Variants in NUP155 observed in about 807,000 individuals in gnomAD.
NUP155 encodes nuclear pore complex protein Nup155.
A neutral mutation model predicts 180.4 loss-of-function variants in NUP155; 71 were observed. The ratio of observed to expected loss-of-function variants is 0.39; its 90% CI spans 0.33 to 0.48. The LOEUF (loss-of-function observed/expected upper bound fraction) is 0.48, where lower values mean the gene tolerates loss of function less well. NUP155 is among the 20% of genes least tolerant of loss of function. The pLI, the probability that NUP155 is intolerant of heterozygous loss-of-function variation, is 0.91. For missense variants in NUP155, 1,553 were observed against 1,648.9 expected, an observed-to-expected ratio of 0.94 and a Z score of 1.01; for synonymous variants, 582 against 559.5, an observed-to-expected ratio of 1.04 and a Z score of -0.57.
chr5:37,317,805 A>T (rs535138421), intron 21 of NUP155, among the ~76,000 whole-genome samples, 183 bp downstream of exon 21: 1 of 151,210 alleles, frequency 6.6e-6, no homozygotes, highest in East Asian at 2.0e-4. Context: ...CTCCCAACTC[A>T]GCCTTCCAAA....
chr5:37,292,843 A>C (rs767579399), intron 34 of NUP155, 36 bp downstream of exon 34: 35 of 1,366,268 alleles, frequency 2.6e-5, no homozygotes, highest in Non-Finnish European at 3.7e-5. Flanking sequence ...AAGCATTTAA[A>C]AGCTTTTGCT....
At position 37,370,988 on chromosome 5, in the gene NUP155, G is replaced by A. The variant is rs1210464867; in HGVS notation, c.-11C>T. 19 of 1,613,040 alleles carry A rather than the reference G, an allele frequency of 1.2e-5. No individual in the cohort carries two copies. The highest frequency in any genetic ancestry group is 1.5e-5 in the Non-Finnish European group (18 of 1,179,690). On this transcript the variant is annotated 5_prime_UTR_variant, in exon 1 of 35. It adds an upstream start codon to the 5' untranslated region. Coordinates refer to ENST00000231498, the MANE Select transcript of NUP155 (RefSeq NM_153485.3). ...CAAAGAAGACGGCATCTCGGAAATCGTAGACACCAGGGTCCAGAAAAAGTC... is the reference window on the plus strand; with the variant it reads ...CAAAGAAGACGGCATCTCGGAAATCATAGACACCAGGGTCCAGAAAAAGTC...
rs1249713343 is a variant in NUP155 at position 37,305,218 on chromosome 5, A to G, written c.2904-8T>C. ...CATTTGTAACTGTTTAATCTGAAAGAAAATGGAAAAGGAACAATTACATTA... is the reference window on the plus strand; with the variant it reads ...CATTTGTAACTGTTTAATCTGAAAGGAAATGGAAAAGGAACAATTACATTA... On this transcript the variant is annotated splice_polypyrimidine_tract_variant and splice_region_variant and intron_variant, in intron 25 of 34. Coordinates refer to ENST00000231498, the MANE Select transcript of NUP155 (RefSeq NM_153485.3). 4.4e-6 allele frequency: 7 copies of G among 1,607,484 alleles called. No homozygotes were observed. Among genetic ancestry groups the G allele is most frequent in the Non-Finnish European group, 6.0e-6 (7 of 1,174,988 alleles).
intron 32 of NUP155, among the ~76,000 whole-genome samples, chr5:37,296,963 G>A (rs1373299549): frequency 6.6e-6 from 1 of 152,060 alleles, no homozygotes; most frequent in Admixed American, 6.6e-5. Context: ...GATCACCTGA[G>A]GTCAGGAGTT....
intron 24 of NUP155, among the ~76,000 whole-genome samples, chr5:37,308,793 T>C (rs574974231): frequency 2.0e-5 from 3 of 149,094 alleles, no homozygotes; most frequent in African/African-American, 7.6e-5. Context: ...GGCAGGAGAA[T>C]TGCTGGAACC....
chr5:37,342,457 A>T (rs1223824662), intron 10 of NUP155, 92 bp downstream of exon 10: 2 of 792,876 alleles, frequency 2.5e-6, no homozygotes, highest in African/African-American at 1.7e-5. Flanking sequence ...CAGATATAGA[A>T]GGAAAAATAT....
Position 37,318,027 on chromosome 5 carries a change from G to A in NUP155, c.2266C>T (p.Pro756Ser), listed in dbSNP as rs1312385374. Residue 756 changes from proline to serine, a missense_variant, in exon 21 of 35, where the codon CCC becomes TCC. By Grantham distance (74) the Pro-to-Ser change is moderately conservative. Coordinates refer to ENST00000231498, the MANE Select transcript of NUP155 (RefSeq NM_153485.3). ...IGFMRPENGNPQQMQQELQRK... is the reference protein window; with the variant it reads ...IGFMRPENGNSQQMQQELQRK... Reference sequence around the variant, plus strand: ...TGCAGTTCCTGTTGCATTTGCTGGGGATTTCCGTTTTCAGGACGCATGAAT... The same window carrying A: ...TGCAGTTCCTGTTGCATTTGCTGGGAATTTCCGTTTTCAGGACGCATGAAT... 1.2e-6 allele frequency: 2 copies of A among 1,612,656 alleles called. No individual in the cohort carries two copies. The highest frequency in any genetic ancestry group is 1.7e-6 in the Non-Finnish European group (2 of 1,178,724).
chr5:37,301,149 A>T, intron 30 of NUP155: 2 of 345,076 alleles, frequency 5.8e-6, no homozygotes, highest in Non-Finnish European at 1.1e-5. Context: ...TGTAAAGATG[A>T]GGTTTTGCCA....
At position 37,288,818 on chromosome 5, in the gene NUP155, C is replaced by A. The variant is rs1037047199; in HGVS notation, c.*3082G>T. Reference sequence around the variant, plus strand: ...GTGGCTCATGCCTGTAATCCCAGCTCTTTGGGAGGCCAAGGGGGGTGGATC... The same window carrying A: ...GTGGCTCATGCCTGTAATCCCAGCTATTTGGGAGGCCAAGGGGGGTGGATC... On this transcript the variant is annotated 3_prime_UTR_variant, in exon 35 of 35. Coordinates refer to ENST00000231498, the MANE Select transcript of NUP155 (RefSeq NM_153485.3). 8 of 136,516 alleles carry A rather than the reference C, an allele frequency of 5.9e-5. No homozygotes were observed. The highest frequency in any genetic ancestry group is 2.1e-4 in the African/African-American group (8 of 38,042). The allele number at this position is 136,516 out of a possible 1,614,324, so 8.5% of individuals were successfully genotyped here. A position where few individuals can be genotyped will look rare whatever the true frequency, so the allele number is the denominator to read the frequency against.
intron 3 of NUP155, among the ~76,000 whole-genome samples, chr5:37,360,693 G>A (rs1747145224): frequency 6.6e-6 from 1 of 151,158 alleles, no homozygotes; most frequent in Non-Finnish European, 1.5e-5. Context: ...GGCTGAGGCA[G>A]GAGAATCACT....
intron 27 of NUP155, 81 bp downstream of exon 27, chr5:37,304,658 T>C: frequency 9.8e-7 from 1 of 1,018,848 alleles, no homozygotes; most frequent in Non-Finnish European, 1.5e-6. Flanking sequence ...AACTGAATTT[T>C]TTACATCTAT....
intron 30 of NUP155, among the ~76,000 whole-genome samples, chr5:37,300,373 T>C (rs1361241910): frequency 6.6e-6 from 1 of 152,196 alleles, no homozygotes; most frequent in Non-Finnish European, 1.5e-5. Flanking sequence ...TAGGTCTTAT[T>C]CATTTTGTTT....
chr5:37,353,684 C>G (rs1334909220), intron 4 of NUP155, among the ~76,000 whole-genome samples: 1 of 152,146 alleles, frequency 6.6e-6, no homozygotes, highest in Non-Finnish European at 1.5e-5. Flanking sequence ...GAGCCAGTCA[C>G]AAAATGACCA....
intron 33 of NUP155, 81 bp downstream of exon 33, chr5:37,294,248 C>G (rs1465091938): frequency 8.3e-6 from 8 of 966,948 alleles, no homozygotes; most frequent in Non-Finnish European, 1.3e-5. Context: ...TACAAAAATG[C>G]AATCAAAATA....
intron 10 of NUP155, 99 bp downstream of exon 10, chr5:37,342,450 A>G: frequency 2.7e-6 from 2 of 742,034 alleles, no homozygotes; most frequent in Non-Finnish European, 4.7e-6. Context: ...TTTACGGCAG[A>G]TATAGAAGGA....
rs1185534544 is a variant in NUP155, at chr5:37,291,954, T to G, written c.4122A>C (p.Gln1374His). ...LQSMSSSVAV[Q>H]AITGNFKSLQ... ...GAGATTTAAAATTCCCAGTGATGGC[T>G]TGTACTGCTACTGACGAGCTCATAG... The change falls in exon 35 of 35, where the codon CAA becomes CAC. Residue 1374 changes from glutamine (Q) to histidine (H), a missense_variant. Physicochemically the swap from Gln to His is conservative, Grantham distance 24. Coordinates refer to ENST00000231498, the MANE Select transcript of NUP155 (RefSeq NM_153485.3). 2 of 1,613,966 alleles carry G rather than the reference T, an allele frequency of 1.2e-6. No individual in the cohort carries two copies. The highest frequency in any genetic ancestry group is 2.7e-5 in the African/African-American group (2 of 74,930).
intron 33 of NUP155, among the ~76,000 whole-genome samples, chr5:37,294,005 C>CAAAAAAAAAAAAAAAAAAA (rs70976294): frequency 2.7e-3 from 99 of 37,252 alleles, no homozygotes; most frequent in South Asian, 4.5e-3. Context: ...GACGCCGTCT[C>CAAAAAAAAAAAAAAAAAAA]AAAAAAAAAA....
At chr5:37,293,028 CAATT>C in intron 33 of NUP155, 43 bp from the exon 34 acceptor site, 1 of 1,261,196 alleles carries the variant, frequency 7.9e-7, no homozygotes, top group East Asian at 2.3e-5. Flanking sequence ...CAAATTGTGT[CAATT>C]GATTATTTAA....
At chr5:37,365,280 TAAAC>T (rs1554133491) in intron 1 of NUP155, among the ~76,000 whole-genome samples, 1 of 151,094 alleles carries the variant, frequency 6.6e-6, no homozygotes, top group Non-Finnish European at 1.5e-5. Context: ...AATAAATAAA[TAAAC>T]AAAATGAAAG....
Sources: allele counts gnomAD v4.1 joint callset (sites outside exome capture counted in the v4.1 genomes callset), GRCh38; gene constraint gnomAD v4.1.1; transcripts MANE v1.5; gene names NCBI Gene and HGNC (gene_info 2026-07-23, HGNC 2026-07-21).